The following WNK2 variants were observed in gnomAD, a reference collection of about 807,000 sequenced individuals.
The protein encoded by WNK2 is WNK lysine deficient protein kinase 2.
Under a neutral mutation model 192.1 loss-of-function variants are expected in WNK2, and 67 were observed. The observed-to-expected ratio is 0.35, with a 90% CI of 0.29 to 0.43. The LOEUF is 0.43. Among genes scored for constraint, WNK2 ranks in the 20% least tolerant of loss-of-function variants. The pLI, the probability that WNK2 is intolerant of heterozygous loss-of-function variation, is 1.00. For missense variants in WNK2, 2,698 were observed against 3,089.7 expected (o/e 0.87, Z 3.01); for synonymous variants, 1,439 against 1,393.9 (o/e 1.03, Z -0.72).
At chr9:93,297,150 C>A (rs1445836893) in intron 23 of WNK2, among the ~76,000 whole-genome samples, 1 of 148,568 alleles carries the variant, frequency 6.7e-6, no homozygotes, top group Non-Finnish European at 1.5e-5. Context: ...GCGTCATCCC[C>A]TCCCCATCCT....
intron 28 of WNK2, among the ~76,000 whole-genome samples, chr9:93,309,739 T>C (rs1447260312): frequency 6.6e-6 from 1 of 152,220 alleles, no homozygotes; most frequent in East Asian, 1.9e-4. Context: ...TTCTTATTTC[T>C]TGCCTTCTAT....
intron 28 of WNK2, chr9:93,315,896 AAATTTT>A (rs1486801096): frequency 6.6e-6 from 1 of 152,004 alleles, no homozygotes; most frequent in Non-Finnish European, 1.5e-5. Context: ...GAAATGGTAA[AAATTTT>A]AATTTTTTTT....
intron 2 of WNK2, 105 bp downstream of exon 2, chr9:93,185,715 CG>C: frequency 7.5e-7 from 1 of 1,336,668 alleles, no homozygotes. Context: ...GCCCTGGGGG[CG>C]GCGGGGCTCC....
At chr9:93,204,563 T>A (rs1329619100) in intron 2 of WNK2, among the ~76,000 whole-genome samples, 1 of 152,198 alleles carries the variant, frequency 6.6e-6, no homozygotes, top group Admixed American at 6.5e-5. Flanking sequence ...TGGGGGATGC[T>A]GCAGGAACAA....
intron 23 of WNK2, among the ~76,000 whole-genome samples, chr9:93,294,162 A>G (rs1161098608): frequency 2.6e-5 from 4 of 152,184 alleles, no homozygotes; most frequent in Non-Finnish European, 4.4e-5. Flanking sequence ...AGCCGTGCAC[A>G]TCTCCTTTCT....
At position 93,299,276 on chromosome 9, in the gene WNK2, G is replaced by A; in HGVS notation, c.6115+15G>A. The A allele has an allele frequency of 7.1e-6, 11 of 1,550,926 alleles. No individual in the cohort carries two copies. Among genetic ancestry groups the A allele is most frequent in the Non-Finnish European group, 9.6e-6 (11 of 1,141,542 alleles). ...GCGTGGCCAAGGTGATTTCCAGCTT[G>A]CCTGTCTCCGAGCATGTGCTAGCCA... On this transcript the variant is annotated intron_variant, in intron 25 of 29. Transcript: ENST00000427277.
chr9:93,225,538 A>G (rs1422984831), intron 2 of WNK2, among the ~76,000 whole-genome samples: 2 of 152,240 alleles, frequency 1.3e-5, no homozygotes, highest in African/African-American at 2.4e-5. Context: ...CGTGTCTTAC[A>G]TGTATCAACT....
At chr9:93,272,187 A>G (rs1292517052) in intron 19 of WNK2, among the ~76,000 whole-genome samples, 1 of 152,238 alleles carries the variant, frequency 6.6e-6, no homozygotes, top group Non-Finnish European at 1.5e-5. Context: ...GGGCTGAAGG[A>G]AGAGCAACAG....
At chr9:93,222,797 C>G (rs1837153044) in intron 2 of WNK2, among the ~76,000 whole-genome samples, 1 of 152,156 alleles carries the variant, frequency 6.6e-6, no homozygotes, top group South Asian at 2.1e-4. Flanking sequence ...ATTCTCCTGC[C>G]TCAGCCTCCC....
Position 93,289,512 on chromosome 9 carries a change from G to A in WNK2, c.4758G>A (p.Glu1586=), listed in dbSNP as rs1447815466. Reference sequence around the variant, plus strand: ...TGGGCGACAGAGACTTCACCCTGGAGCCCCTGAGAGGGGACCAGCCCCGCT... The same window carrying A: ...TGGGCGACAGAGACTTCACCCTGGAACCCCTGAGAGGGGACCAGCCCCGCT... ...VEVGDRDFTL[E]PLRGDQPRSE... The change falls in exon 20 of 30, where the codon GAG becomes GAA. Residue 1586 remains glutamate, a synonymous_variant. Coordinates refer to ENST00000427277, the MANE Select transcript of WNK2 (RefSeq NM_006648.4). 6.2e-7 allele frequency: 1 copy of A among 1,604,636 alleles called. No individual in the cohort carries two copies. The highest frequency in any genetic ancestry group is 1.3e-5 in the African/African-American group (1 of 74,880).
intron 19 of WNK2, among the ~76,000 whole-genome samples, chr9:93,284,092 A>G (rs937687376): frequency 1.3e-5 from 2 of 151,820 alleles, no homozygotes; most frequent in Admixed American, 1.3e-4. Flanking sequence ...AGGGGGAAAA[A>G]CCCTTCCTAT....
intron 2 of WNK2, among the ~76,000 whole-genome samples, chr9:93,227,876 TG>T (rs1838085182): frequency 6.6e-6 from 1 of 152,218 alleles, no homozygotes; most frequent in Non-Finnish European, 1.5e-5. Flanking sequence ...TTGTACTTAA[TG>T]TTTCATTGGA....
At chr9:93,311,919 C>T (rs550330744) in intron 28 of WNK2, among the ~76,000 whole-genome samples, 8 of 152,250 alleles carry the variant, frequency 5.3e-5, no homozygotes, top group African/African-American at 1.2e-4. Flanking sequence ...CGTGCGCCAC[C>T]GCGTTCAGCC....
At chr9:93,188,444 G>A (rs565913862) in intron 2 of WNK2, among the ~76,000 whole-genome samples, 19 of 152,344 alleles carry the variant, frequency 1.2e-4, no homozygotes, top group Admixed American at 2.6e-4. Context: ...GCAGTGAGGT[G>A]TTTCACCTTC....
intron 16 of WNK2, among the ~76,000 whole-genome samples, chr9:93,265,906 C>T (rs1462430074): frequency 6.6e-6 from 1 of 152,240 alleles, no homozygotes; most frequent in Non-Finnish European, 1.5e-5. Flanking sequence ...ATGGGGCTAT[C>T]TTTAGCTGTG....
chr9:93,296,699 C>G (rs1167625514), intron 23 of WNK2, among the ~76,000 whole-genome samples: 1 of 95,640 alleles, frequency 1.0e-5, no homozygotes, highest in Non-Finnish European at 2.2e-5. Flanking sequence ...TCTCCATTCT[C>G]CCCTCACCTT....
At chr9:93,316,301 C>G (rs1302484667) in intron 28 of WNK2, 3 of 152,164 alleles carry the variant, frequency 2.0e-5, no homozygotes, top group African/African-American at 7.2e-5. Flanking sequence ...TTAGGAACAG[C>G]CTGTCACTTT....
intron 29 of WNK2, chr9:93,319,427 C>G: frequency 2.0e-6 from 2 of 984,240 alleles, no homozygotes; most frequent in Non-Finnish European, 2.4e-6. Flanking sequence ...CAACACTGCC[C>G]CCGCCAGCTG....
At chr9:93,240,112 A>AG (rs1840501684) in intron 7 of WNK2, 136 bp downstream of exon 7, 1 of 946,798 alleles carries the variant, frequency 1.1e-6, no homozygotes, top group Non-Finnish European at 1.6e-6. Flanking sequence ...GGTGCCATCC[A>AG]GGCAGGTGTG....
Sources: allele counts gnomAD v4.1 joint callset (sites outside exome capture counted in the v4.1 genomes callset), GRCh38; gene constraint gnomAD v4.1.1; transcripts MANE v1.5; gene names NCBI Gene and HGNC (gene_info 2026-07-23, HGNC 2026-07-21).